RHOF: variants seen among roughly 807,000 people sequenced by gnomAD.
The protein encoded by RHOF is rho-related GTP-binding protein RhoF.
RHOF carries 21 observed loss-of-function variants against 22.2 expected under a neutral mutation model. The ratio of observed to expected loss-of-function variants is 0.95; its 90% CI spans 0.67 to 1.36. The LOEUF (loss-of-function observed/expected upper bound fraction) is 1.36. Ranked by LOEUF, RHOF falls within the 40% of genes most tolerant of loss-of-function variation. The probability of loss-of-function intolerance (pLI) is 0.00; values close to 1 mark genes in which losing one functional copy is unlikely to be tolerated. For missense variants in RHOF, 285 were observed against 293.7 expected, an observed-to-expected ratio of 0.97 and a Z score of 0.22; for synonymous variants, 135 against 131.2, an observed-to-expected ratio of 1.03 and a Z score of -0.20.
At chr12:121,784,155 TC>T (rs1223123139) in intron 2 of RHOF, among the ~76,000 whole-genome samples, 1 of 152,090 alleles carries the variant, frequency 6.6e-6, no homozygotes, top group Non-Finnish European at 1.5e-5. Context: ...CTATATTTTT[TC>T]CCTTTTGAGG....
At chr12:121,789,329 G>A (rs897113326) in intron 2 of RHOF, among the ~76,000 whole-genome samples, 8 of 152,098 alleles carry the variant, frequency 5.3e-5, no homozygotes, top group African/African-American at 1.4e-4. Flanking sequence ...CCCTAGAGCC[G>A]CCCATCGTCC....
Position 121,793,336 on chromosome 12 carries a change from A to C in RHOF, c.139-97T>G, listed in dbSNP as rs1874814191. On this transcript the variant is annotated intron_variant, in intron 1 of 4. Coordinates refer to ENST00000267205, the MANE Select transcript of RHOF (RefSeq NM_019034.3). The stretch of plus-strand genomic sequence containing the variant: ...CCACCCCCCTCACTCGTCCCGGATC[A>C]GCCCCCCCTCACCCCGCTGGGCTCT... 3 of 1,438,072 alleles carry C rather than the reference A, an allele frequency of 2.1e-6. No individual in the cohort carries two copies. The South Asian group carries it at 3.7e-5, about 18-fold the overall frequency. The allele number at this position is 1,438,072 out of a possible 1,614,324, so 89.1% of individuals were successfully genotyped here.
At chr12:121,792,090 A>AGTCG (rs1328936046) in intron 2 of RHOF, among the ~76,000 whole-genome samples, 1 of 144,980 alleles carries the variant, frequency 6.9e-6, no homozygotes, top group East Asian at 2.2e-4. Context: ...GACCTGCTGA[A>AGTCG]GTCGGAATGG....
In RHOF at chr12:121,780,884, G is replaced by T. The variant is rs759829961; in HGVS notation, c.459C>A (p.Ile153=). 1.2e-5 allele frequency: 20 copies of T among 1,613,416 alleles called. 1 individual carries two copies. The highest frequency in any genetic ancestry group is 3.3e-4 in the Middle Eastern group (2 of 6,078). Residue 153 remains isoleucine, a synonymous_variant, in exon 4 of 5, where the codon ATC becomes ATA. Coordinates refer to ENST00000267205, the MANE Select transcript of RHOF (RefSeq NM_019034.3). ...GGCCCCGGCCCACCTGCATGTAGGTGATGGGCTCCAGCTGGGCGGCCCGGA... is the reference window on the plus strand; with the variant it reads ...GGCCCCGGCCCACCTGCATGTAGGTTATGGGCTCCAGCTGGGCGGCCCGGA... ...RKLRAAQLEP[I]TYMQGLSACE... is the part of the protein sequence containing the mutation.
chr12:121,781,887 G>T (rs554724578), intron 2 of RHOF: 21 of 152,342 alleles, frequency 1.4e-4, no homozygotes, highest in African/African-American at 4.8e-4. Context: ...TCCCTGGGGG[G>T]ATACTTTAAT....
rs548125210 is a variant in RHOF at position 121,790,467 on chromosome 12, G to C, written c.226+2685C>G. On this transcript the variant is annotated intron_variant, in intron 2 of 4. Transcript: ENST00000267205. ...TCTCCTGAGAGCCGTCCACCTGCAG[G>C]CCGAGATGAATCATCTCCGGCATTC... 2.0e-5 allele frequency among the ~76,000 whole-genome samples: 3 copies of C among 152,312 alleles called. No homozygotes were observed. In the East Asian group the frequency reaches 5.8e-4, roughly 29 times the overall value.
At chr12:121,785,144 G>C (rs1158403369) in intron 2 of RHOF, among the ~76,000 whole-genome samples, 1 of 152,072 alleles carries the variant, frequency 6.6e-6, no homozygotes, top group African/African-American at 2.4e-5. Context: ...GCTTGTTACC[G>C]AGCCAGCTAC....
rs959334767 is a variant in RHOF, at chr12:121,788,811, G to A, written c.226+4341C>T. 5.3e-5 allele frequency among the ~76,000 whole-genome samples: 8 copies of A among 152,140 alleles called. No homozygotes were observed. In the South Asian group the frequency reaches 1.5e-3, roughly 28 times the overall value. ...AGTGCAGGGGCAGGGGTGGAGTGGG[G>A]GGCAGTGCCGGGAGGCAGGAGGACT... On this transcript the variant is annotated intron_variant, in intron 2 of 4. Coordinates refer to ENST00000267205, the MANE Select transcript of RHOF (RefSeq NM_019034.3).
chr12:121,793,051 G>A (rs1392184334), intron 2 of RHOF, 101 bp downstream of exon 2: 14 of 1,051,288 alleles, frequency 1.3e-5, no homozygotes, highest in Non-Finnish European at 1.7e-5. Flanking sequence ...CCAAGGCCCT[G>A]CCAAGGCTGC....
At chr12:121,780,687 A>C in intron 4 of RHOF, 185 bp downstream of exon 4, 1 of 665,972 alleles carries the variant, frequency 1.5e-6, no homozygotes, top group Non-Finnish European at 2.5e-6. Flanking sequence ...AGTCCTAAGG[A>C]TTGGGAGTAG....
At chr12:121,792,772 G>A (rs1874795966) in intron 2 of RHOF, among the ~76,000 whole-genome samples, 1 of 152,224 alleles carries the variant, frequency 6.6e-6, no homozygotes, top group Non-Finnish European at 1.5e-5. Flanking sequence ...GGCAATCCGA[G>A]CACCAAGGGA....
chr12:121,779,673 GGAGGAGCCAGCATTAGGT>G lies in RHOF; in HGVS notation c.472-29_472-12del. 6.2e-7 allele frequency: 1 copy of G among 1,613,418 alleles called. No homozygotes were observed. The highest frequency in any genetic ancestry group is 8.5e-7 in the Non-Finnish European group (1 of 1,179,694). ...GCAGGCGCTCAGGCCCTGGGTGGGG[GGAGGAGCCAGCATTAGGT>G]GAGGGGCCCCTGGAGGTCTCCTAGC... On this transcript the variant is annotated splice_polypyrimidine_tract_variant and intron_variant, in intron 4 of 4. Coordinates refer to ENST00000267205, the MANE Select transcript of RHOF (RefSeq NM_019034.3).
At position 121,779,450 on chromosome 12, in the gene RHOF, G is replaced by C. The variant is rs376768557; in HGVS notation, c.*48C>G. 6.3e-7 allele frequency: 1 copy of C among 1,593,608 alleles called. No individual in the cohort carries two copies. Among genetic ancestry groups the C allele is most frequent in the Non-Finnish European group, 8.5e-7 (1 of 1,172,352 alleles). On this transcript the variant is annotated 3_prime_UTR_variant, in exon 5 of 5. Coordinates refer to ENST00000267205, the MANE Select transcript of RHOF (RefSeq NM_019034.3). The stretch of plus-strand genomic sequence containing the variant: ...AGCCTCCCTGGTGCAATCGGCACCT[G>C]GGCCCCCGGGCCCTGTCAGTGCTGT...
intron 2 of RHOF, among the ~76,000 whole-genome samples, chr12:121,786,714 C>T (rs1216624248): frequency 6.6e-6 from 1 of 152,186 alleles, no homozygotes; most frequent in Non-Finnish European, 1.5e-5. Flanking sequence ...TGGCTTTACT[C>T]ATGGCTCTCA....
rs755646283 is a variant in RHOF at position 121,781,116 on chromosome 12, CATGACGTCATAG to C, written c.291_302del (p.Cys97_Met101delinsTrp). 1 of 1,614,202 alleles carries C rather than the reference CATGACGTCATAG, an allele frequency of 6.2e-7. No individual in the cohort carries two copies. Among genetic ancestry groups the C allele is most frequent in the Non-Finnish European group, 8.5e-7 (1 of 1,180,038 alleles). On this transcript the variant is annotated inframe_deletion, in exon 3 of 5. Coordinates refer to ENST00000267205, the MANE Select transcript of RHOF (RefSeq NM_019034.3). Reference sequence around the variant, plus strand: ...GGACGTTGTCGTAGCTGGTGGGATTCATGACGTCATAGCAGATGAGCACGAGGTGGGTGTTCT... The same window carrying C: ...GGACGTTGTCGTAGCTGGTGGGATTCCAGATGAGCACGAGGTGGGTGTTCT...
Position 121,780,914 on chromosome 12 carries a change from C to T in RHOF, c.429G>A (p.Arg143=). 6.2e-7 allele frequency: 1 copy of T among 1,613,946 alleles called. No homozygotes were observed. Among genetic ancestry groups the T allele is most frequent in the Non-Finnish European group, 8.5e-7 (1 of 1,179,952 alleles). ...GCTCCAGCTGGGCGGCCCGGAGCTTCCGCAGCTGCTCCTTGTCCTTCCTCA... is the reference window on the plus strand; with the variant it reads ...GCTCCAGCTGGGCGGCCCGGAGCTTTCGCAGCTGCTCCTTGTCCTTCCTCA... The part of the protein sequence containing the change: ...TDLRKDKEQL[R]KLRAAQLEPI... The change falls in exon 4 of 5, where the codon CGG becomes CGA. Residue 143 remains arginine, a synonymous_variant. Coordinates refer to ENST00000267205, the MANE Select transcript of RHOF (RefSeq NM_019034.3).
At chr12:121,789,288 T>G (rs1046197251) in intron 2 of RHOF, among the ~76,000 whole-genome samples, 4 of 151,490 alleles carry the variant, frequency 2.6e-5, no homozygotes, top group South Asian at 2.1e-4. Context: ...TGCACGTGCT[T>G]CTGGTGAGGA....
chr12:121,785,718 C>T lies in RHOF; in HGVS notation c.227-4526G>A, dbSNP rs557782869. 1.5e-4 allele frequency among the ~76,000 whole-genome samples: 23 copies of T among 152,158 alleles called. 1 individual carries two copies. Among genetic ancestry groups the T allele is most frequent in the African/African-American group, 5.3e-4 (22 of 41,480 alleles). On this transcript the variant is annotated intron_variant, in intron 2 of 4. Transcript: ENST00000267205. ...CTCCGCCTCCCGGGTTCAAGCGATT[C>T]TCCTGCCTCAGCCTCCTGAGTAGCT...
chr12:121,788,702 G>T (rs1161993779), intron 2 of RHOF, among the ~76,000 whole-genome samples: 1 of 152,154 alleles, frequency 6.6e-6, no homozygotes, highest in Non-Finnish European at 1.5e-5. Context: ...TTATCTGGGA[G>T]AGGGGGTGAT....
Sources: gnomAD v4.1 joint callset for allele counts (sites outside exome capture counted in the v4.1 genomes callset) on GRCh38, gnomAD v4.1.1 for gene constraint, MANE v1.5 for transcripts, NCBI Gene and HGNC (gene_info 2026-07-23, HGNC 2026-07-21) for gene names.